Variants in LINGO2 observed in about 807,000 individuals in gnomAD.
LINGO2 encodes the protein leucine-rich repeat and immunoglobulin-like domain-containing nogo receptor-interacting protein 2.
A neutral mutation model predicts 30.6 loss-of-function variants in LINGO2; 14 were observed. That is an observed-to-expected ratio of 0.46 (90% CI 0.30 to 0.72). The LOEUF (loss-of-function observed/expected upper bound fraction) is 0.72, where lower values mean the gene tolerates loss of function less well. Among genes scored for constraint, LINGO2 ranks in the 30% least tolerant of loss-of-function variants. LINGO2 has a pLI of 0.07. For synonymous variants in LINGO2, 317 were observed against 288.5 expected (o/e 1.10, Z -1.00); for missense variants, 729 against 751.7 (o/e 0.97, Z 0.35).
intron 1 of LINGO2, among the ~76,000 whole-genome samples, chr9:28,520,621 C>G (rs1167866263): frequency 4.6e-5 from 7 of 152,060 alleles, no homozygotes; most frequent in Non-Finnish European, 8.8e-5. Context: ...TTTTATTCAT[C>G]TTTGTTTCTC....
the LINGO2 span, among the ~76,000 whole-genome samples, chr9:29,150,122 C>T: frequency 1.3e-5 from 2 of 152,170 alleles, no homozygotes; most frequent in Non-Finnish European, 2.9e-5. Flanking sequence ...ATTACCTAAG[C>T]ACAATTTACA....
intron 4 of LINGO2, among the ~76,000 whole-genome samples, chr9:28,262,377 T>C (rs1367101554): frequency 2.0e-5 from 3 of 151,846 alleles, no homozygotes; most frequent in African/African-American, 7.2e-5. Flanking sequence ...AGAAGAGAAA[T>C]GAGTCAGAAT....
the LINGO2 span, among the ~76,000 whole-genome samples, chr9:28,816,279 T>A: frequency 2.6e-5 from 4 of 152,168 alleles, no homozygotes; most frequent in African/African-American, 9.7e-5. Flanking sequence ...AAATAAGAAA[T>A]CTTAAATGAA....
rs146749731 is a variant in LINGO2, at chr9:28,492,165, G to A, written c.-364-16140C>T. ...TCCTAATAGAAAAAGATGTTGCCAGGAATGCTCCACACAGAACTAAATTCC... is the reference window on the plus strand; with the variant it reads ...TCCTAATAGAAAAAGATGTTGCCAGAAATGCTCCACACAGAACTAAATTCC... On this transcript the variant is annotated intron_variant, in intron 1 of 5. Coordinates refer to ENST00000379992, the Ensembl canonical transcript of LINGO2. Among the ~76,000 whole-genome samples, 363 of 152,236 alleles carry A rather than the reference G, an allele frequency of 2.4e-3. 3 individuals are homozygous for A. The highest frequency in any genetic ancestry group is 3.6e-3 in the Non-Finnish European group (244 of 68,014).
At chr9:28,243,273 A>G (rs1384777137) in intron 4 of LINGO2, among the ~76,000 whole-genome samples, 1 of 152,048 alleles carries the variant, frequency 6.6e-6, no homozygotes, top group Non-Finnish European at 1.5e-5. Context: ...CCTGGGCAAC[A>G]TGGTGAAACC....
At chr9:28,209,203 T>C (rs553009855) in intron 4 of LINGO2, among the ~76,000 whole-genome samples, 6 of 152,142 alleles carry the variant, frequency 3.9e-5, no homozygotes, top group African/African-American at 1.2e-4. Context: ...TACGATGACA[T>C]TGACTTTAGT....
chr9:28,309,071 C>T (rs1824495537), intron 3 of LINGO2, among the ~76,000 whole-genome samples: 1 of 152,124 alleles, frequency 6.6e-6, no homozygotes, highest in South Asian at 2.1e-4. Context: ...ACCCAGCCAT[C>T]CCATTACTGG....
chr9:27,990,427 G>T (rs1821335699), intron 5 of LINGO2, among the ~76,000 whole-genome samples: 2 of 148,984 alleles, frequency 1.3e-5, no homozygotes, highest in Admixed American at 6.8e-5. Flanking sequence ...CTGAGCTTCA[G>T]TATCTGCAAA....
chr9:28,434,817 T>C (rs889639676), intron 2 of LINGO2, among the ~76,000 whole-genome samples: 5 of 152,162 alleles, frequency 3.3e-5, no homozygotes, highest in African/African-American at 1.2e-4. Context: ...TATTCTTATC[T>C]ATTGTTTTTA....
chr9:28,011,292 A>C (rs1260982166), intron 5 of LINGO2, among the ~76,000 whole-genome samples: 1 of 152,202 alleles, frequency 6.6e-6, no homozygotes, highest in African/African-American at 2.4e-5. Context: ...TGTTTGGAAA[A>C]ATTCCTTCAC....
At chr9:28,150,136 C>T (rs1340015338) in intron 4 of LINGO2, among the ~76,000 whole-genome samples, 1 of 147,218 alleles carries the variant, frequency 6.8e-6, no homozygotes, top group Non-Finnish European at 1.5e-5. Flanking sequence ...AAGTGAGGAG[C>T]ACCTCTGCCT....
At chr9:28,749,841 C>G in the LINGO2 span, among the ~76,000 whole-genome samples, 1 of 151,958 alleles carries the variant, frequency 6.6e-6, no homozygotes, top group Non-Finnish European at 1.5e-5. Context: ...CCAAATTAAT[C>G]TGATGCTTAT....
intron 4 of LINGO2, among the ~76,000 whole-genome samples, chr9:28,189,033 C>T (rs554402014): frequency 7.5e-4 from 100 of 133,064 alleles, no homozygotes; most frequent in East Asian, 5.7e-3. Flanking sequence ...ATAATCTGGG[C>T]AGCTGTTGGA....
At chr9:29,006,180 C>T in the LINGO2 span, among the ~76,000 whole-genome samples, 1 of 151,610 alleles carries the variant, frequency 6.6e-6, no homozygotes, top group Admixed American at 6.6e-5. Flanking sequence ...TACATAATTA[C>T]ACACAAACAT....
the LINGO2 span, among the ~76,000 whole-genome samples, chr9:29,177,632 T>C: frequency 3.3e-5 from 5 of 152,190 alleles, no homozygotes; most frequent in Admixed American, 2.6e-4. Context: ...TAAGAAGATT[T>C]TATGTTTTTA....
At position 28,424,086 on chromosome 9, in the gene LINGO2, T is replaced by G. The variant is rs58248960; in HGVS notation, c.-278-51218A>C. 1.5e-3 allele frequency among the ~76,000 whole-genome samples: 227 copies of G among 152,240 alleles called. 2 individuals carry two copies. Among genetic ancestry groups the G allele is most frequent in the African/African-American group, 5.1e-3 (213 of 41,562 alleles). ...GCCTACCCCTTGTCCACATTGTCTG[T>G]CATACTAATTTATAAGGAAATTAAG... On this transcript the variant is annotated intron_variant, in intron 2 of 5. Transcript: ENST00000379992.
chr9:29,025,953 G>A, the LINGO2 span, among the ~76,000 whole-genome samples: 25 of 152,120 alleles, frequency 1.6e-4, no homozygotes, highest in Non-Finnish European at 2.9e-4. Context: ...AATCCATGTT[G>A]TTGCATATGA....
At chr9:28,752,998 A>G in the LINGO2 span, among the ~76,000 whole-genome samples, 10 of 152,228 alleles carry the variant, frequency 6.6e-5, 1 homozygote, top group Admixed American at 5.2e-4. Flanking sequence ...CATCACTTCC[A>G]GGCCACATAG....
the LINGO2 span, among the ~76,000 whole-genome samples, chr9:29,029,994 C>T: frequency 3.3e-5 from 5 of 151,576 alleles, no homozygotes; most frequent in Admixed American, 6.6e-5. Flanking sequence ...TGTGTAGCAA[C>T]TTATAAAAGT....
Sources: gnomAD v4.1 joint callset for allele counts (sites outside exome capture counted in the v4.1 genomes callset) on GRCh38, gnomAD v4.1.1 for gene constraint, MANE v1.5 for transcripts, NCBI Gene and HGNC (gene_info 2026-07-23, HGNC 2026-07-21) for gene names.